CLSTN2: variants seen among roughly 807,000 people sequenced by gnomAD.
CLSTN2 encodes calsyntenin 2.
A neutral mutation model predicts 101.2 loss-of-function variants in CLSTN2; 48 were observed. That is an observed-to-expected ratio of 0.47 (90% CI 0.38 to 0.60). The LOEUF (loss-of-function observed/expected upper bound fraction) is 0.60. Among genes scored for constraint, CLSTN2 ranks in the 20% least tolerant of loss-of-function variants. The pLI is 0.00. For missense variants in CLSTN2, 1,160 were observed against 1,238.2 expected (o/e 0.94, Z 0.95); for synonymous variants, 481 against 463.6 (o/e 1.04, Z -0.48).
chr3:140,155,673 G>A (rs1290806441), intron 1 of CLSTN2, among the ~76,000 whole-genome samples: 1 of 152,126 alleles, frequency 6.6e-6, no homozygotes, highest in Non-Finnish European at 1.5e-5. Flanking sequence ...GGTGCATTGG[G>A]AAATCCTAGA....
At chr3:140,551,875 C>T (rs368158274) in intron 10 of CLSTN2, among the ~76,000 whole-genome samples, 1 of 150,208 alleles carries the variant, frequency 6.7e-6, no homozygotes. Flanking sequence ...TATATCCTAG[C>T]AAACCTAATA....
At chr3:140,095,496 A>G (rs1352926444) in intron 1 of CLSTN2, among the ~76,000 whole-genome samples, 3 of 152,234 alleles carry the variant, frequency 2.0e-5, no homozygotes, top group African/African-American at 7.2e-5. Flanking sequence ...GCTCAGTGCC[A>G]TTAGTGGAGA....
chr3:139,994,603 G>C (rs1936170302), intron 1 of CLSTN2, among the ~76,000 whole-genome samples: 1 of 152,124 alleles, frequency 6.6e-6, no homozygotes, highest in Non-Finnish European at 1.5e-5. Context: ...AAACCTTCCA[G>C]GATACACAGT....
At chr3:140,003,891 A>G (rs1156446901) in intron 1 of CLSTN2, among the ~76,000 whole-genome samples, 3 of 152,148 alleles carry the variant, frequency 2.0e-5, no homozygotes, top group Non-Finnish European at 2.9e-5. Flanking sequence ...TGCCACTCCA[A>G]TGTATGGATT....
rs6778015 is a variant in CLSTN2 at position 140,427,207 on chromosome 3, G to A, written c.787+5933G>A. ...AAAATATATATATATATATATATGT[G>A]TATATATATATATATATGTGTGTAT... is the stretch of plus-strand genomic sequence containing the variant. On this transcript the variant is annotated intron_variant, in intron 5 of 16. Transcript: ENST00000458420. 5.3e-3 allele frequency among the ~76,000 whole-genome samples: 447 copies of A among 84,568 alleles called. 11 individuals are homozygous for A. The highest frequency in any genetic ancestry group is 0.025 in the African/African-American group (337 of 13,282). The allele number at this position is 84,568 out of a possible 152,430, so 55.5% of individuals were successfully genotyped here.
intron 2 of CLSTN2, among the ~76,000 whole-genome samples, chr3:140,316,293 C>T (rs770284792): frequency 1.8e-4 from 28 of 152,300 alleles, no homozygotes; most frequent in African/African-American, 6.0e-4. Flanking sequence ...AATCTCAAGT[C>T]CTAGAGGGGA....
At chr3:139,954,390 T>C (rs1487358636) in intron 1 of CLSTN2, among the ~76,000 whole-genome samples, 1 of 152,192 alleles carries the variant, frequency 6.6e-6, no homozygotes, top group African/African-American at 2.4e-5. Flanking sequence ...TAGGAGACTT[T>C]GCTAGAGTAA....
chr3:140,339,024 C>T (rs540861543), intron 2 of CLSTN2, among the ~76,000 whole-genome samples: 6 of 152,332 alleles, frequency 3.9e-5, no homozygotes, highest in South Asian at 4.1e-4. Context: ...TGTCATGCTG[C>T]GCAGTGGCTC....
At chr3:140,130,445 T>C (rs1485595860) in intron 1 of CLSTN2, among the ~76,000 whole-genome samples, 1 of 152,194 alleles carries the variant, frequency 6.6e-6, no homozygotes, top group Non-Finnish European at 1.5e-5. Context: ...AAGTTTTGCC[T>C]GAGGAAATGG....
intron 2 of CLSTN2, among the ~76,000 whole-genome samples, chr3:140,270,188 C>T (rs2086729249): frequency 1.3e-5 from 2 of 152,152 alleles, no homozygotes; most frequent in Admixed American, 6.5e-5. Context: ...ACTAACGGCT[C>T]CTCATTCATT....
Position 140,558,833 on chromosome 3 carries a change from G to A in CLSTN2, c.2017G>A (p.Ala673Thr). 1.9e-6 allele frequency: 3 copies of A among 1,613,914 alleles called. No individual in the cohort carries two copies. The highest frequency in any genetic ancestry group is 2.5e-6 in the Non-Finnish European group (3 of 1,179,968). ...TGTGAGCACCTTCGCCAAAACCGAA[G>A]CCCCCGGGGACGTGAAAACCACAGG... ...KIVSTFAKTE[A>T]PGDVKTTDPK... is the part of the protein sequence containing the mutation. Residue 673 changes from alanine (A) to threonine (T), a missense_variant, in exon 12 of 17, where the codon GCC becomes ACC. Physicochemically the swap from Ala to Thr is moderately conservative, Grantham distance 58. Transcript: ENST00000458420.
At chr3:140,535,780 A>G (rs1935347400) in intron 9 of CLSTN2, among the ~76,000 whole-genome samples, 1 of 152,340 alleles carries the variant, frequency 6.6e-6, no homozygotes, top group East Asian at 1.9e-4. Flanking sequence ...GGTTTACCCA[A>G]AGTTGCTCAA....
At chr3:140,166,291 GC>G (rs1436026400) in intron 1 of CLSTN2, among the ~76,000 whole-genome samples, 6 of 152,186 alleles carry the variant, frequency 3.9e-5, no homozygotes, top group Non-Finnish European at 5.9e-5. Context: ...ATCTATCTTG[GC>G]CTAAGCAGTT....
intron 1 of CLSTN2, among the ~76,000 whole-genome samples, chr3:140,046,612 T>C (rs912379914): frequency 7.7e-4 from 117 of 151,840 alleles, no homozygotes; most frequent in African/African-American, 2.7e-3. Context: ...CTAGCATCGA[T>C]GGTCTTTACA....
chr3:140,368,772 C>T (rs1052543894), intron 2 of CLSTN2, among the ~76,000 whole-genome samples: 7 of 152,204 alleles, frequency 4.6e-5, no homozygotes, highest in African/African-American at 7.2e-5. Flanking sequence ...GACGTTCAGG[C>T]TGGAGAAGTA....
intron 2 of CLSTN2, among the ~76,000 whole-genome samples, chr3:140,226,440 C>T (rs1332979139): frequency 6.6e-6 from 1 of 151,948 alleles, no homozygotes; most frequent in Non-Finnish European, 1.5e-5. Flanking sequence ...TAATTACATT[C>T]AAAATAAAAA....
At chr3:140,144,476 C>T (rs1258357614) in intron 1 of CLSTN2, among the ~76,000 whole-genome samples, 1 of 152,006 alleles carries the variant, frequency 6.6e-6, no homozygotes, top group Non-Finnish European at 1.5e-5. Flanking sequence ...ATTAGCCGGG[C>T]ATGGTGGTGG....
At chr3:140,226,971 G>A (rs2086327286) in intron 2 of CLSTN2, among the ~76,000 whole-genome samples, 1 of 152,062 alleles carries the variant, frequency 6.6e-6, no homozygotes. Flanking sequence ...CATGATACTT[G>A]GGAATTCAAG....
At chr3:140,098,405 C>T (rs796679061) in intron 1 of CLSTN2, among the ~76,000 whole-genome samples, 23 of 152,324 alleles carry the variant, frequency 1.5e-4, no homozygotes, top group African/African-American at 5.5e-4. Context: ...TGGCTACTAA[C>T]ACAGCATTAC....
Sources: allele counts gnomAD v4.1 joint callset (sites outside exome capture counted in the v4.1 genomes callset), GRCh38; gene constraint gnomAD v4.1.1; transcripts MANE v1.5; gene names NCBI Gene and HGNC (gene_info 2026-07-23, HGNC 2026-07-21).